KRT12: variants seen among roughly 807,000 people sequenced by gnomAD.
The protein encoded by KRT12 is keratin, type I cytoskeletal 12.
Under a neutral mutation model 50.2 loss-of-function variants are expected in KRT12, and 43 were observed. The ratio of observed to expected loss-of-function variants is 0.86; its 90% CI spans 0.67 to 1.11. The LOEUF is 1.11. Ranked by LOEUF, KRT12 falls within the 50% of genes least tolerant of loss-of-function variation. The pLI, the probability that KRT12 is intolerant of heterozygous loss-of-function variation, is 0.00. For missense variants in KRT12, 588 were observed against 625.6 expected, an observed-to-expected ratio of 0.94 and a Z score of 0.64; for synonymous variants, 257 against 253.6, an observed-to-expected ratio of 1.01 and a Z score of -0.13.
chr17:40,864,172 A>T (rs1392463413), intron 3 of KRT12, among the ~76,000 whole-genome samples: 1 of 152,158 alleles, frequency 6.6e-6, no homozygotes, highest in Non-Finnish European at 1.5e-5. Context: ...CTAATGGGTA[A>T]GTTGGCTCTG....
chr17:40,863,959 C>CACACA lies in KRT12; in HGVS notation c.808-100_808-96dup. 1 of 603,348 alleles carries CACACA rather than the reference C, an allele frequency of 1.7e-6. No individual in the cohort carries two copies. Among genetic ancestry groups the CACACA allele is most frequent in the Non-Finnish European group, 2.8e-6 (1 of 352,528 alleles). The allele number at this position is 603,348 out of a possible 1,614,324, so 37.4% of individuals were successfully genotyped here. A position where few individuals can be genotyped will look rare whatever the true frequency, so the allele number is the denominator to read the frequency against. ...GTCCTCTTGGGCCCCTTCCTACACA[C>CACACA]ACACACACACACACACACACACACA... On this transcript the variant is annotated intron_variant, in intron 3 of 7. Coordinates refer to ENST00000251643, the MANE Select transcript of KRT12 (RefSeq NM_000223.4). The surrounding 1 kb of genome is among the most constrained non-coding windows in gnomAD (Gnocchi z 4.2).
At position 40,863,637 on chromosome 17, in the gene KRT12, C is replaced by T. The variant is rs1168961180; in HGVS notation, c.970-27G>A. ...TGCAACAGCAAAGACAGCCAGGGGG[C>T]TCGAGCGCTGAGCTCGTTCGCAGGC... On this transcript the variant is annotated intron_variant, in intron 4 of 7. Coordinates refer to ENST00000251643, the MANE Select transcript of KRT12 (RefSeq NM_000223.4). This position sits in a 1 kb window ranked among gnomAD's most constrained non-coding sequence, Gnocchi z 4.2. 1 of 1,614,236 alleles carries T rather than the reference C, an allele frequency of 6.2e-7. No individual in the cohort carries two copies. The highest frequency in any genetic ancestry group is 1.7e-5 in the Admixed American group (1 of 60,034).
At chr17:40,862,529 C>T (rs376172285) in intron 7 of KRT12, 36 bp downstream of exon 7, 51 of 1,448,794 alleles carry the variant, frequency 3.5e-5, no homozygotes, top group African/African-American at 4.2e-5. Flanking sequence ...AATGTGATTC[C>T]GACTTATTCT....
At chr17:40,861,860 C>T (rs1187013712) in intron 7 of KRT12, 102 bp from the exon 8 acceptor site, 3 of 782,886 alleles carry the variant, frequency 3.8e-6, no homozygotes, top group East Asian at 2.5e-5. Context: ...TTGGTTGATA[C>T]AATCCATCTA....
intron 7 of KRT12, 95 bp from the exon 8 acceptor site, chr17:40,861,853 G>T (rs1422277018): frequency 3.7e-6 from 3 of 821,842 alleles, no homozygotes; most frequent in Non-Finnish European, 2.1e-6. Context: ...TTAAGCATTG[G>T]TTGATACAAT....
rs752476697 is a variant in KRT12, at chr17:40,866,599, C to T, written c.567+21G>A. The T allele has an allele frequency of 8.7e-6, 14 of 1,600,742 alleles. No homozygotes were observed. The Admixed American group carries it at 1.5e-4, about 17-fold the overall frequency. On this transcript the variant is annotated intron_variant, in intron 1 of 7. Coordinates refer to ENST00000251643, the MANE Select transcript of KRT12 (RefSeq NM_000223.4). ...AAAAGGAAAAAAAAAATTCCCAAAG[C>T]GCCTCCAAAAGAGATCTTACCTTAT...
At chr17:40,865,277 G>A (rs1038695691) in intron 2 of KRT12, among the ~76,000 whole-genome samples, 3 of 152,196 alleles carry the variant, frequency 2.0e-5, no homozygotes, top group African/African-American at 7.2e-5. Flanking sequence ...AATAGCAGCA[G>A]CCCCTCTCTA....
chr17:40,862,460 T>A, intron 7 of KRT12, 105 bp downstream of exon 7: 1 of 806,902 alleles, frequency 1.2e-6, no homozygotes. Flanking sequence ...AAATATGCTT[T>A]AAATTAAAAT....
rs994085489 is a variant in KRT12, at chr17:40,863,700, T to C, written c.969+3A>G. ...GTATCAAAGCCTTTGTTGTTTGTGT[T>C]ACCTTTTCAATGAACCAGGCTTCAG... On this transcript the variant is annotated splice_donor_region_variant and intron_variant, in intron 4 of 7. Transcript: ENST00000251643. This position sits in a 1 kb window ranked among gnomAD's most constrained non-coding sequence, Gnocchi z 4.2. 1.1e-5 allele frequency: 18 copies of C among 1,613,976 alleles called. No homozygotes were observed. The highest frequency in any genetic ancestry group is 1.4e-5 in the Non-Finnish European group (17 of 1,180,042).
chr17:40,863,433 C>G lies in KRT12; in HGVS notation c.1095+52G>C. 6.2e-7 allele frequency: 1 copy of G among 1,614,210 alleles called. No homozygotes were observed. The highest frequency in any genetic ancestry group is 2.2e-5 in the East Asian group (1 of 44,892). ...AACGGCTAATGTAATTTGGATGCAGCATTTTCTTTGGAAGTCCAAAGGATG... is the reference window on the plus strand; with the variant it reads ...AACGGCTAATGTAATTTGGATGCAGGATTTTCTTTGGAAGTCCAAAGGATG... On this transcript the variant is annotated intron_variant, in intron 5 of 7. Coordinates refer to ENST00000251643, the MANE Select transcript of KRT12 (RefSeq NM_000223.4). This position sits in a 1 kb window ranked among gnomAD's most constrained non-coding sequence, Gnocchi z 4.2.
chr17:40,864,783 T>TGAGGCC (rs1567740510), intron 3 of KRT12, 23 bp downstream of exon 3: 1 of 1,611,910 alleles, frequency 6.2e-7, no homozygotes, highest in East Asian at 2.2e-5. Flanking sequence ...AGTAGCTGAG[T>TGAGGCC]GAGGCTGCCC....
chr17:40,864,292 C>A (rs768722520), intron 3 of KRT12, among the ~76,000 whole-genome samples: 1 of 152,060 alleles, frequency 6.6e-6, no homozygotes, highest in African/African-American at 2.4e-5. Flanking sequence ...TGGGCTTGCA[C>A]GCTGTTTGTG....
chr17:40,863,374 A>T lies in KRT12; in HGVS notation c.1096-31T>A, dbSNP rs199806501. On this transcript the variant is annotated intron_variant, in intron 5 of 7. Coordinates refer to ENST00000251643, the MANE Select transcript of KRT12 (RefSeq NM_000223.4). The surrounding 1 kb of genome is among the most constrained non-coding windows in gnomAD (Gnocchi z 4.2). ...CGTGGGAGGGAAATGGCATAGAAAT[A>T]ACGATGGAGGGGACCGAAAAGAGGA... The T allele has an allele frequency of 2.5e-6, 4 of 1,613,488 alleles. No individual in the cohort carries two copies. The East Asian group carries it at 8.9e-5, about 36-fold the overall frequency.
chr17:40,862,704 G>T, intron 6 of KRT12, 69 bp from the exon 7 acceptor site: 2 of 1,124,280 alleles, frequency 1.8e-6, no homozygotes, highest in Non-Finnish European at 2.7e-6. Context: ...GATCTGGTCT[G>T]AGAAATTAGA....
chr17:40,864,663 T>C, intron 3 of KRT12, 143 bp downstream of exon 3: 2 of 859,590 alleles, frequency 2.3e-6, no homozygotes, highest in Non-Finnish European at 3.9e-6. Context: ...CACACAGAAA[T>C]CTAAAACAAA....
rs1906904062 is a variant in KRT12, at chr17:40,863,829, C to T, written c.843G>A (p.Glu281=). The T allele has an allele frequency of 2.5e-6, 4 of 1,609,452 alleles. No individual in the cohort carries two copies. The highest frequency in any genetic ancestry group is 2.7e-5 in the African/African-American group (2 of 74,728). Reference sequence around the variant, plus strand: ...GGGCAGCGTCCATTTCTACGCTGACCTCGCCTGGGCCGCCCACCCGGAAGC... The same window carrying T: ...GGGCAGCGTCCATTTCTACGCTGACTTCGCCTGGGCCGCCCACCCGGAAGC... ...LQSFRVGGPG[E]VSVEMDAAPG... is the part of the protein sequence containing the mutation. The change falls in exon 4 of 8, where the codon GAG becomes GAA. Residue 281 remains glutamate (E), a synonymous_variant. Transcript: ENST00000251643. This position sits in a 1 kb window ranked among gnomAD's most constrained non-coding sequence, Gnocchi z 4.2.
chr17:40,864,949 G>A lies in KRT12; in HGVS notation c.664C>T (p.Leu222=), dbSNP rs200506470. The change falls in exon 3 of 8, where the codon CTG becomes TTG. Residue 222 remains leucine (L), a synonymous_variant. Coordinates refer to ENST00000251643, the MANE Select transcript of KRT12 (RefSeq NM_000223.4). The stretch of plus-strand genomic sequence containing the variant: ...GCCTCTACGCCCTGGCGCAGGGCCA[G>A]TTCATTCTCATACCTGAAAACCAAG... The part of the protein sequence containing the change: ...EDFRMKYENE[L]ALRQGVEADI... 2,171 of 1,614,224 alleles carry A rather than the reference G, an allele frequency of 1.3e-3. 4 individuals carry two copies. The highest frequency in any genetic ancestry group is 1.8e-3 in the Admixed American group (107 of 60,026).
chr17:40,862,432 T>C, intron 7 of KRT12, 133 bp downstream of exon 7: 1 of 714,270 alleles, frequency 1.4e-6, no homozygotes, highest in Admixed American at 2.1e-5. Flanking sequence ...ATAAATGTTT[T>C]TCCTTGGCTC....
At position 40,862,553 on chromosome 17, in the gene KRT12, G is replaced by C. The variant is rs767001663; in HGVS notation, c.1387+12C>G. On this transcript the variant is annotated intron_variant, in intron 7 of 7. Coordinates refer to ENST00000251643, the MANE Select transcript of KRT12 (RefSeq NM_000223.4). ...CCGACTTATTCTAAGTGATTCTAGG[G>C]TTTCTGCATACCTTTAGAGGAATCA... 11 of 1,594,072 alleles carry C rather than the reference G, an allele frequency of 6.9e-6. No homozygotes were observed. In the Admixed American group the frequency reaches 1.8e-4, roughly 27 times the overall value.
Sources: allele counts gnomAD v4.1 joint callset (sites outside exome capture counted in the v4.1 genomes callset), GRCh38; gene constraint gnomAD v4.1.1; non-coding constraint Gnocchi (gnomAD v3.1); transcripts MANE v1.5; gene names NCBI Gene and HGNC (gene_info 2026-07-23, HGNC 2026-07-21).